PRMT9: variants seen among roughly 807,000 people sequenced by gnomAD.
PRMT9 encodes protein arginine methyltransferase 9, also known as protein arginine N-methyltransferase 9.
A neutral mutation model predicts 83.2 loss-of-function variants in PRMT9; 59 were observed. That is an observed-to-expected ratio of 0.71 (90% confidence interval 0.57 to 0.88). The LOEUF is 0.88. PRMT9 is among the 40% of genes least tolerant of loss of function. The pLI is 0.00. For missense variants in PRMT9, 947 were observed against 1,021.9 expected, an observed-to-expected ratio of 0.93 and a Z score of 1.00; for synonymous variants, 333 against 353.2, an observed-to-expected ratio of 0.94 and a Z score of 0.64.
Position 147,677,985 on chromosome 4 carries a change from GA to G in PRMT9, c.338+2337del, listed in dbSNP as rs371675318. On this transcript the variant is annotated intron_variant, in intron 2 of 11. Coordinates refer to ENST00000322396, the MANE Select transcript of PRMT9 (RefSeq NM_138364.4). ...TTATAAAACATTATTTCTCCACACT[GA>G]AAAAAAAAAGCATAATACTGAGTTG... is the stretch of plus-strand genomic sequence containing the variant. Among the ~76,000 whole-genome samples the G allele has an allele frequency of 6.6e-4, 97 of 146,744 alleles. 1 individual carries two copies. Among genetic ancestry groups the G allele is most frequent in the South Asian group, 5.2e-3 (24 of 4,622 alleles).
intron 6 of PRMT9, among the ~76,000 whole-genome samples, chr4:147,667,808 T>C (rs1450121866): frequency 6.6e-6 from 1 of 152,150 alleles, no homozygotes; most frequent in South Asian, 2.1e-4. Context: ...AAAAGGGAAA[T>C]TGAAGTAATT....
At chr4:147,641,607 CGA>C (rs1477995672) in intron 10 of PRMT9, among the ~76,000 whole-genome samples, 6 of 152,156 alleles carry the variant, frequency 3.9e-5, no homozygotes, top group Non-Finnish European at 7.4e-5. Flanking sequence ...GCTAAATCCA[CGA>C]GAGAGTAAAC....
At chr4:147,640,837 G>C (rs573135627) in intron 10 of PRMT9, among the ~76,000 whole-genome samples, 1 of 151,936 alleles carries the variant, frequency 6.6e-6, no homozygotes. Context: ...TCCTCCCACC[G>C]CAGCCTCCCG....
In PRMT9 at chr4:147,680,305, A is replaced by G. The variant is rs1322571633; in HGVS notation, c.338+18T>C. On this transcript the variant is annotated intron_variant, in intron 2 of 11. Coordinates refer to ENST00000322396, the MANE Select transcript of PRMT9 (RefSeq NM_138364.4). Reference sequence around the variant, plus strand: ...TACAGAATAATTCTTAACAAGTAATACTAAAATCACTACAAACCTGAAGAG... The same window carrying G: ...TACAGAATAATTCTTAACAAGTAATGCTAAAATCACTACAAACCTGAAGAG... 6.2e-7 allele frequency: 1 copy of G among 1,611,256 alleles called. No homozygotes were observed. Among genetic ancestry groups the G allele is most frequent in the Admixed American group, 1.7e-5 (1 of 60,024 alleles).
chr4:147,638,944 T>C lies in PRMT9; in HGVS notation c.2322+16A>G. 1 of 1,607,752 alleles carries C rather than the reference T, an allele frequency of 6.2e-7. No homozygotes were observed. The highest frequency in any genetic ancestry group is 1.3e-5 in the African/African-American group (1 of 74,914). ...TAAACAATAACAAACGAAATCATTT[T>C]GCATGTTGTCCTTACCTTTACTTCT... On this transcript the variant is annotated intron_variant, in intron 11 of 11. Transcript: ENST00000322396.
chr4:147,646,574 ACTGCACTCCAGC>A (rs1038432801), intron 9 of PRMT9, among the ~76,000 whole-genome samples: 1 of 149,252 alleles, frequency 6.7e-6, no homozygotes, highest in Non-Finnish European at 1.5e-5. Context: ...TGATCATGCC[ACTGCACTCCAGC>A]CTGGGTGACA....
intron 8 of PRMT9, 136 bp downstream of exon 8, chr4:147,657,656 A>G: frequency 1.5e-6 from 1 of 689,180 alleles, no homozygotes. Context: ...TTTTGAAAAA[A>G]AATGAAGTTC....
intron 2 of PRMT9, among the ~76,000 whole-genome samples, chr4:147,674,861 A>T (rs912480803): frequency 3.9e-5 from 6 of 152,240 alleles, no homozygotes; most frequent in African/African-American, 1.4e-4. Flanking sequence ...ATTAACCAGT[A>T]ATCTGTGGGT....
In PRMT9 at chr4:147,638,961, T is replaced by G; in HGVS notation, c.2321A>C (p.Lys774Thr). 1 of 1,611,180 alleles carries G rather than the reference T, an allele frequency of 6.2e-7. No individual in the cohort carries two copies. The highest frequency in any genetic ancestry group is 8.5e-7 in the Non-Finnish European group (1 of 1,177,468). The stretch of plus-strand genomic sequence containing the variant: ...AATCATTTTGCATGTTGTCCTTACC[T>G]TTACTTCTCTGTTAGAGGTGTTCAA... ...PYLNTSNREV[K>T]VYVCKSGRLT... The change falls in exon 11 of 12, where the codon AAG becomes ACG. Residue 774 changes from lysine (K) to threonine (T), a missense_variant and splice_region_variant. By Grantham distance (78) the Lys-to-Thr change is moderately conservative. Coordinates refer to ENST00000322396, the MANE Select transcript of PRMT9 (RefSeq NM_138364.4).
rs1553938283 is a variant in PRMT9 at position 147,672,933 on chromosome 4, A to G, written c.743+26T>C. The G allele has an allele frequency of 3.1e-6, 5 of 1,595,528 alleles. No individual in the cohort carries two copies. The Admixed American group carries it at 8.3e-5, about 27-fold the overall frequency. On this transcript the variant is annotated intron_variant, in intron 4 of 11. Transcript: ENST00000322396. ...TTTTTAAAAATAGAGAAGTATAAAC[A>G]CTAAAATTAGTTTACATGATAATAC...
At chr4:147,678,660 T>C (rs1299701980) in intron 2 of PRMT9, among the ~76,000 whole-genome samples, 1 of 152,198 alleles carries the variant, frequency 6.6e-6, no homozygotes, top group East Asian at 1.9e-4. Context: ...TGACCTGCTT[T>C]TCTTCTGGGA....
intron 9 of PRMT9, among the ~76,000 whole-genome samples, chr4:147,650,564 G>A (rs1734025666): frequency 6.6e-6 from 1 of 152,178 alleles, no homozygotes; most frequent in Non-Finnish European, 1.5e-5. Context: ...GGCACACTGT[G>A]TTCATGGATG....
intron 9 of PRMT9, among the ~76,000 whole-genome samples, chr4:147,644,452 C>T (rs1165367991): frequency 3.4e-5 from 5 of 145,702 alleles, no homozygotes; most frequent in East Asian, 2.0e-4. Context: ...TCTCTTCCTA[C>T]GTTGACCTTG....
In PRMT9 at chr4:147,670,624, ATTTTCATAC is replaced by A; in HGVS notation, c.846+8_846+16del. 1 of 1,483,030 alleles carries A rather than the reference ATTTTCATAC, an allele frequency of 6.7e-7. No individual in the cohort carries two copies. Among genetic ancestry groups the A allele is most frequent in the Non-Finnish European group, 9.4e-7 (1 of 1,060,890 alleles). 91.9% of individuals were successfully genotyped at this position (1,483,030 alleles called of 1,614,324 possible). ...AACGAATTCTTAATCAGTTGTAAGT[ATTTTCATAC>A]TGCTTACCTTTGGCTGTAAAAGTAA... On this transcript the variant is annotated splice_region_variant and intron_variant, in intron 5 of 11. Coordinates refer to ENST00000322396, the MANE Select transcript of PRMT9 (RefSeq NM_138364.4).
chr4:147,668,787 C>A, intron 5 of PRMT9, 142 bp from the exon 6 acceptor site: 1 of 642,594 alleles, frequency 1.6e-6, no homozygotes, highest in South Asian at 1.9e-5. Context: ...TTTTTTTCTT[C>A]CTTAAAAAAT....
At chr4:147,656,779 A>AAAG (rs1734523589) in intron 8 of PRMT9, among the ~76,000 whole-genome samples, 1 of 147,490 alleles carries the variant, frequency 6.8e-6, no homozygotes. Context: ...CTCAAAAAAA[A>AAAG]AAAAAAAAAA....
intron 2 of PRMT9, among the ~76,000 whole-genome samples, chr4:147,676,928 C>T (rs1348766514): frequency 6.6e-6 from 1 of 151,442 alleles, no homozygotes; most frequent in East Asian, 1.9e-4. Context: ...CCTGTAATTC[C>T]AGCTACTCCG....
intron 10 of PRMT9, 107 bp downstream of exon 10, chr4:147,642,680 G>A: frequency 2.0e-6 from 2 of 981,942 alleles, no homozygotes; most frequent in Non-Finnish European, 3.2e-6. Context: ...GATTAATCCA[G>A]CTAAACTTTA....
At chr4:147,656,880 G>A (rs1734544107) in intron 8 of PRMT9, among the ~76,000 whole-genome samples, 1 of 151,736 alleles carries the variant, frequency 6.6e-6, no homozygotes, top group South Asian at 2.1e-4. Context: ...TCCCACCTGG[G>A]CCTCCCAAAG....
Sources: allele counts gnomAD v4.1 joint callset (sites outside exome capture counted in the v4.1 genomes callset), GRCh38; gene constraint gnomAD v4.1.1; transcripts MANE v1.5; gene names NCBI Gene and HGNC (gene_info 2026-07-23, HGNC 2026-07-21).